Variants in SLC4A10 observed in about 807,000 individuals in gnomAD.
SLC4A10 encodes solute carrier family 4 member 10.
SLC4A10 carries 42 observed loss-of-function variants against 137.7 expected under a neutral mutation model. The ratio of observed to expected loss-of-function variants is 0.30; its 90% CI spans 0.24 to 0.39. The LOEUF (loss-of-function observed/expected upper bound fraction) is 0.39, where lower values mean the gene tolerates loss of function less well. Ranked by LOEUF, SLC4A10 falls within the 10% of genes least tolerant of loss-of-function variation. The probability of loss-of-function intolerance (pLI) is 1.00; values close to 1 mark genes in which losing one functional copy is unlikely to be tolerated. For missense variants in SLC4A10, 925 were observed against 1,355.0 expected, an observed-to-expected ratio of 0.68 and a Z score of 4.98; for synonymous variants, 474 against 464.1, an observed-to-expected ratio of 1.02 and a Z score of -0.27.
intron 1 of SLC4A10, among the ~76,000 whole-genome samples, chr2:161,767,237 T>TATATATATATATACAC (rs1559203949): frequency 2.4e-5 from 2 of 83,574 alleles, no homozygotes; most frequent in Non-Finnish European, 4.5e-5. Flanking sequence ...TATATACACA[T>TATATATATATATACAC]ATATATATAT....
intron 9 of SLC4A10, among the ~76,000 whole-genome samples, chr2:161,879,559 T>C: frequency 6.6e-6 from 1 of 151,560 alleles, no homozygotes; most frequent in East Asian, 1.9e-4. Context: ...TTTTTTTTTT[T>C]TTTTTTTACA....
At chr2:161,669,138 G>A (rs2039414949) in intron 1 of SLC4A10, among the ~76,000 whole-genome samples, 1 of 151,704 alleles carries the variant, frequency 6.6e-6, no homozygotes, top group Non-Finnish European at 1.5e-5. Context: ...TAACAATTTT[G>A]GTATATCAGA....
intron 4 of SLC4A10, among the ~76,000 whole-genome samples, chr2:161,843,321 T>G (rs1045551815): frequency 2.0e-5 from 3 of 152,204 alleles, no homozygotes; most frequent in African/African-American, 7.2e-5. Context: ...ATTAACTCAA[T>G]AACATGTTTG....
At position 161,977,182 on chromosome 2, in the gene SLC4A10, C is replaced by CT. The variant is rs569566069; in HGVS notation, c.3344+309dup. On this transcript the variant is annotated intron_variant, in intron 25 of 26. Transcript: ENST00000446997. ...TCATCACCCACTTCCCCCAGGACCC[C>CT]TTTAGACATCTGGCCACATTTTGCA... is the stretch of plus-strand genomic sequence containing the variant. 782 of 291,188 alleles carry CT rather than the reference C, an allele frequency of 2.7e-3. 5 individuals are homozygous for CT. The highest frequency in any genetic ancestry group is 3.4e-3 in the Non-Finnish European group (522 of 155,454). 18.0% of individuals were successfully genotyped at this position (291,188 alleles called of 1,614,324 possible).
rs561530472 is a variant in SLC4A10, at chr2:161,710,902, A to G, written c.49-60071A>G. On this transcript the variant is annotated intron_variant, in intron 1 of 26. Coordinates refer to ENST00000446997, the MANE Select transcript of SLC4A10 (RefSeq NM_001178015.2). ...TGCTTTCAAGGAGATTAGAAAATAT[A>G]TACAATAAATTGTGTTCACATTTTG... Among the ~76,000 whole-genome samples the G allele has an allele frequency of 1.1e-4, 16 of 151,976 alleles. No individual in the cohort carries two copies. The South Asian group carries it at 3.3e-3, about 32-fold the overall frequency.
intron 11 of SLC4A10, among the ~76,000 whole-genome samples, chr2:161,898,341 G>A (rs961465874): frequency 1.3e-5 from 2 of 152,038 alleles, no homozygotes; most frequent in Non-Finnish European, 2.9e-5. Context: ...ATATTAGACA[G>A]CATAGTTCTA....
At chr2:161,767,564 G>A (rs1401787172) in intron 1 of SLC4A10, among the ~76,000 whole-genome samples, 1 of 151,610 alleles carries the variant, frequency 6.6e-6, no homozygotes, top group African/African-American at 2.4e-5. Context: ...GCTCTTATGG[G>A]GGTTTTAATT....
At chr2:161,879,081 C>T in intron 8 of SLC4A10, 50 bp from the exon 9 acceptor site, 1 of 1,569,298 alleles carries the variant, frequency 6.4e-7, no homozygotes, top group Non-Finnish European at 8.7e-7. Flanking sequence ...ATATGATTTA[C>T]CAGATTTTTC....
chr2:161,980,601 A>T (rs1700085605), intron 26 of SLC4A10, among the ~76,000 whole-genome samples: 1 of 152,126 alleles, frequency 6.6e-6, no homozygotes, highest in Admixed American at 6.5e-5. Flanking sequence ...GTGAGCCAAG[A>T]TTGTGCCACT....
chr2:161,941,142 CA>C (rs1692613379), intron 15 of SLC4A10, among the ~76,000 whole-genome samples: 1 of 152,144 alleles, frequency 6.6e-6, no homozygotes, highest in Admixed American at 6.6e-5. Flanking sequence ...AAGAAAACAA[CA>C]ATGTTCCTAA....
At chr2:161,770,099 C>T (rs533452430) in intron 1 of SLC4A10, among the ~76,000 whole-genome samples, 372 of 151,940 alleles carry the variant, frequency 2.4e-3, no homozygotes, top group African/African-American at 8.4e-3. Context: ...CTTCATTCAC[C>T]TTTAGTATAT....
chr2:161,668,011 GA>G (rs1276265641), intron 1 of SLC4A10, among the ~76,000 whole-genome samples: 6 of 151,742 alleles, frequency 4.0e-5, no homozygotes, highest in Non-Finnish European at 8.9e-5. Flanking sequence ...GGTAGTTTCA[GA>G]AAAAGTATTA....
At chr2:161,898,868 A>C (rs1256653144) in intron 11 of SLC4A10, among the ~76,000 whole-genome samples, 1 of 152,088 alleles carries the variant, frequency 6.6e-6, no homozygotes, top group East Asian at 1.9e-4. Context: ...ACCTCAAGTG[A>C]GCCCTTTGTG....
intron 1 of SLC4A10, among the ~76,000 whole-genome samples, chr2:161,731,399 T>C (rs939094037): frequency 1.3e-5 from 2 of 152,120 alleles, no homozygotes; most frequent in Non-Finnish European, 2.9e-5. Context: ...TAAATAACAA[T>C]AAACACATGT....
Position 161,733,006 on chromosome 2 carries a change from G to T in SLC4A10, c.49-37967G>T, listed in dbSNP as rs1574637645. The stretch of plus-strand genomic sequence containing the variant: ...AGCAAAGCATTCAAAAGGTGACTTG[G>T]GTGTCGTTGAAAGCATTCAGTTTTA... On this transcript the variant is annotated intron_variant, in intron 1 of 26. Transcript: ENST00000446997. Among the ~76,000 whole-genome samples, 3 of 152,112 alleles carry T rather than the reference G, an allele frequency of 2.0e-5. No individual in the cohort carries two copies. In the East Asian group the frequency reaches 5.8e-4, roughly 29 times the overall value.
At chr2:161,751,873 A>G (rs375328246) in intron 1 of SLC4A10, among the ~76,000 whole-genome samples, 21 of 152,068 alleles carry the variant, frequency 1.4e-4, no homozygotes, top group African/African-American at 4.8e-4. Context: ...ATGAAATTCT[A>G]TTACATTAAA....
At chr2:161,949,697 G>A (rs933313075) in intron 18 of SLC4A10, among the ~76,000 whole-genome samples, 8 of 151,880 alleles carry the variant, frequency 5.3e-5, no homozygotes, top group African/African-American at 1.2e-4. Context: ...GCTTGGGATC[G>A]GAAGTGTTTC....
At chr2:161,812,983 C>T (rs926499877) in intron 3 of SLC4A10, among the ~76,000 whole-genome samples, 2 of 151,912 alleles carry the variant, frequency 1.3e-5, no homozygotes, top group African/African-American at 4.8e-5. Context: ...TTTTAGTTTT[C>T]ATTAATTTCT....
At chr2:161,827,712 C>T (rs1169374028) in intron 3 of SLC4A10, among the ~76,000 whole-genome samples, 4 of 150,518 alleles carry the variant, frequency 2.7e-5, no homozygotes, top group African/African-American at 7.3e-5. Context: ...ACTACAGGCA[C>T]GCCCGCACCA....
Sources: gnomAD v4.1 joint callset for allele counts (sites outside exome capture counted in the v4.1 genomes callset) on GRCh38, gnomAD v4.1.1 for gene constraint, MANE v1.5 for transcripts, NCBI Gene and HGNC (gene_info 2026-07-23, HGNC 2026-07-21) for gene names.